The following EPN3 variants were observed in gnomAD, a reference collection of about 807,000 sequenced individuals.
The protein encoded by EPN3 is epsin 3, also known as epsin-3.
EPN3 carries 56 observed loss-of-function variants against 55.5 expected under a neutral mutation model. That is an observed-to-expected ratio of 1.01 (90% CI 0.81 to 1.26). The LOEUF (loss-of-function observed/expected upper bound fraction) is 1.26, where lower values mean the gene tolerates loss of function less well. Ranked by LOEUF, EPN3 falls within the 50% of genes most tolerant of loss-of-function variation. The pLI, the probability that EPN3 is intolerant of heterozygous loss-of-function variation, is 0.00. For synonymous variants in EPN3, 449 were observed against 375.2 expected (o/e 1.20, Z -2.27); for missense variants, 927 against 853.4 (o/e 1.09, Z -1.07).
chr17:50,535,094 G>A (rs1478436230), intron 1 of EPN3, among the ~76,000 whole-genome samples: 2 of 152,216 alleles, frequency 1.3e-5, no homozygotes, highest in East Asian at 3.8e-4. Flanking sequence ...CAGATAGCCT[G>A]GACCTGTGGC....
chr17:50,540,192 C>A, intron 5 of EPN3, 55 bp from the exon 6 acceptor site: 1 of 1,413,290 alleles, frequency 7.1e-7, no homozygotes, highest in Non-Finnish European at 9.9e-7. Flanking sequence ...TCAGGGCCTG[C>A]CCTCCCTCCA....
chr17:50,537,372 T>C, intron 2 of EPN3: 3 of 546,772 alleles, frequency 5.5e-6, no homozygotes, highest in South Asian at 4.5e-5. Flanking sequence ...AGTGGAAGCA[T>C]GGGTTTGGAG....
At chr17:50,535,157 G>A (rs915080238) in intron 1 of EPN3, among the ~76,000 whole-genome samples, 4 of 152,218 alleles carry the variant, frequency 2.6e-5, no homozygotes, top group Admixed American at 1.3e-4. Flanking sequence ...GGTACCAGAG[G>A]TCCACTATGT....
At chr17:50,537,593 G>A (rs1025383938) in intron 2 of EPN3, 7 of 199,130 alleles carry the variant, frequency 3.5e-5, no homozygotes, top group Non-Finnish European at 7.2e-5. Context: ...TGAGGGCAGC[G>A]GCTAGACAGT....
In EPN3 at chr17:50,541,259, A is replaced by C. The variant is rs753074866; in HGVS notation, c.1280A>C (p.Lys427Thr). Reference protein sequence around the residue: ...GGASTFDPFAKPPESTETKEG... With the variant: ...GGASTFDPFATPPESTETKEG... ...GCCTCGACCTTTGACCCATTTGCCA[A>C]ACCTCCAGAATCCACAGAGACCAAG... Residue 427 changes from lysine (K) to threonine (T), a missense_variant, in exon 8 of 10, where the codon AAA becomes ACA. Physicochemically the swap from Lys to Thr is moderately conservative, Grantham distance 78. Transcript: ENST00000268933. 6.2e-7 allele frequency: 1 copy of C among 1,613,494 alleles called. No homozygotes were observed. Among genetic ancestry groups the C allele is most frequent in the Non-Finnish European group, 8.5e-7 (1 of 1,179,970 alleles).
intron 2 of EPN3, 37 bp downstream of exon 2, chr17:50,537,155 T>C (rs768609360): frequency 2.5e-5 from 38 of 1,518,266 alleles, no homozygotes; most frequent in Non-Finnish European, 3.2e-5. Context: ...GATGGGGAGG[T>C]GGCCCGACTT....
At position 50,536,696 on chromosome 17, in the gene EPN3, C is replaced by T; in HGVS notation, c.140C>T (p.Thr47Ile). The change falls in exon 2 of 10, where the codon ACC becomes ATC. Residue 47 changes from threonine to isoleucine, a missense_variant. Physicochemically the swap from Thr to Ile is moderately conservative, Grantham distance 89. Transcript: ENST00000268933. ...CTCATGTCCGAGATCGCTGACCTGA[C>T]CTTCAACACAGTGGCCTTCACCGAA... ...SSLMSEIADL[T>I]FNTVAFTEVM... 6.2e-7 allele frequency: 1 copy of T among 1,614,092 alleles called. No homozygotes were observed. Among genetic ancestry groups the T allele is most frequent in the South Asian group, 1.1e-5 (1 of 91,076 alleles).
In EPN3 at chr17:50,539,208, G is replaced by T. The variant is rs1260598456; in HGVS notation, c.784G>T (p.Asp262Tyr). The T allele has an allele frequency of 5.0e-6, 8 of 1,614,114 alleles. No individual in the cohort carries two copies. Among genetic ancestry groups the T allele is most frequent in the Non-Finnish European group, 6.8e-6 (8 of 1,180,006 alleles). The change falls in exon 5 of 10, where the codon GAT becomes TAT. Residue 262 changes from aspartate to tyrosine, a missense_variant. By Grantham distance (160) the Asp-to-Tyr change is radical (BLOSUM62 -3). Coordinates refer to ENST00000268933, the MANE Select transcript of EPN3 (RefSeq NM_017957.3). ...HEKEVRSWQG[D>Y]GSPMANGAGA... ...GCAGGAGGTGAGGTCCTGGCAGGGT[G>T]ATGGCTCCCCCATGGCCAATGGTGC... is the stretch of plus-strand genomic sequence containing the variant.
intron 9 of EPN3, 35 bp downstream of exon 9, chr17:50,541,729 C>G: frequency 6.2e-7 from 1 of 1,609,562 alleles, no homozygotes; most frequent in Non-Finnish European, 8.5e-7. Context: ...CCCAGGGGCT[C>G]CTGCTTTCAG....
chr17:50,541,761 G>C, intron 9 of EPN3, 67 bp downstream of exon 9: 1 of 1,606,836 alleles, frequency 6.2e-7, no homozygotes, highest in Non-Finnish European at 8.5e-7. Context: ...CGCCGGAGGA[G>C]CCCACTCTTC....
intron 1 of EPN3, chr17:50,534,560 C>T: frequency 1.0e-6 from 1 of 985,502 alleles, no homozygotes; most frequent in Non-Finnish European, 1.2e-6. Context: ...GAGTCACTAG[C>T]AAGGGGGAGG....
chr17:50,536,902 G>A lies in EPN3; in HGVS notation c.346G>A (p.Gly116Ser), dbSNP rs749208124. 2.2e-5 allele frequency: 36 copies of A among 1,614,012 alleles called. No individual in the cohort carries two copies. The highest frequency in any genetic ancestry group is 6.7e-5 in the Admixed American group (4 of 60,010). The stretch of plus-strand genomic sequence containing the variant: ...GGACTTCCAGTACATCGACCGCGAC[G>A]GCAAGGACCAGGGCGTCAACGTGCG... ...LKDFQYIDRD[G>S]KDQGVNVREK... Residue 116 changes from glycine (G) to serine (S), a missense_variant, in exon 2 of 10, where the codon GGC becomes AGC. Gly to Ser is a moderately conservative substitution (Grantham distance 56). Transcript: ENST00000268933.
chr17:50,536,563 A>T lies in EPN3; in HGVS notation c.7A>T (p.Thr3Ser), dbSNP rs1463586183. ...CACCTCCAAGTCTCCAGCCATGACG[A>T]CCTCCGCACTCCGGCGCCAGGTGAA... Reference protein sequence around the residue: MTTSALRRQVKNI... With the variant: MTSSALRRQVKNI... The change falls in exon 2 of 10, where the codon ACC becomes TCC. Residue 3 changes from threonine to serine, a missense_variant. Thr to Ser is a moderately conservative substitution (Grantham distance 58). Transcript: ENST00000268933. The T allele has an allele frequency of 1.9e-6, 3 of 1,613,476 alleles. No homozygotes were observed. In the East Asian group the frequency reaches 6.7e-5, roughly 36 times the overall value.
At chr17:50,540,475 G>T in intron 6 of EPN3, 141 bp downstream of exon 6, 1 of 774,720 alleles carries the variant, frequency 1.3e-6, no homozygotes, top group Non-Finnish European at 2.0e-6. Context: ...TCCGCCGCCT[G>T]TGGGACAGGC....
intron 1 of EPN3, among the ~76,000 whole-genome samples, chr17:50,535,332 A>G (rs2034744020): frequency 6.6e-6 from 1 of 152,188 alleles, no homozygotes; most frequent in Non-Finnish European, 1.5e-5. Flanking sequence ...GGAGTCCTGG[A>G]TGGTAGTCCA....
rs535527910 is a variant in EPN3 at position 50,538,033 on chromosome 17, G to A, written c.563-46G>A. The A allele has an allele frequency of 4.9e-5, 72 of 1,480,270 alleles. No individual in the cohort carries two copies. In the South Asian group the frequency reaches 5.4e-4, roughly 11 times the overall value. 91.7% of individuals were successfully genotyped at this position (1,480,270 alleles called of 1,614,324 possible). On this transcript the variant is annotated intron_variant, in intron 2 of 9. Coordinates refer to ENST00000268933, the MANE Select transcript of EPN3 (RefSeq NM_017957.3). ...TCCTGGCAGGCAGAGGGGTGTGGGA[G>A]CCGATGGGTAATCGTGTGGTCACAG...
Position 50,537,012 on chromosome 17 carries a change from G to T in EPN3, c.456G>T (p.Glu152Asp), listed in dbSNP as rs767497728. 6.2e-7 allele frequency: 1 copy of T among 1,613,472 alleles called. No individual in the cohort carries two copies. Among genetic ancestry groups the T allele is most frequent in the Non-Finnish European group, 8.5e-7 (1 of 1,179,962 alleles). Residue 152 changes from glutamate (E) to aspartate (D), a missense_variant, in exon 2 of 10, where the codon GAG (glutamate) becomes GAT (aspartate). Coordinates refer to ENST00000268933, the MANE Select transcript of EPN3 (RefSeq NM_017957.3). Reference protein sequence around the residue: ...QERTHALKTKERMALEGIGIG... With the variant: ...QERTHALKTKDRMALEGIGIG... Reference sequence around the variant, plus strand: ...GAACCCACGCCCTCAAGACCAAGGAGCGCATGGCACTGGAGGGCATCGGCA... The same window carrying T: ...GAACCCACGCCCTCAAGACCAAGGATCGCATGGCACTGGAGGGCATCGGCA...
chr17:50,538,857 C>G, intron 3 of EPN3, 27 bp from the exon 4 acceptor site: 3 of 1,544,790 alleles, frequency 1.9e-6, no homozygotes, highest in Non-Finnish European at 2.6e-6. Context: ...GGTACAGGGC[C>G]AAGTTTACCC....
Position 50,541,767 on chromosome 17 carries a change from T to A in EPN3, c.1585+73T>A, listed in dbSNP as rs1254209753. 4 of 1,607,780 alleles carry A rather than the reference T, an allele frequency of 2.5e-6. No individual in the cohort carries two copies. In the African/African-American group the frequency reaches 5.4e-5, roughly 22 times the overall value. ...CCTAGCCTCCGCCGGAGGAGCCCACTCTTCTTCCCAACTTCCACGACCTCC... is the reference window on the plus strand; with the variant it reads ...CCTAGCCTCCGCCGGAGGAGCCCACACTTCTTCCCAACTTCCACGACCTCC... On this transcript the variant is annotated intron_variant, in intron 9 of 9. Coordinates refer to ENST00000268933, the MANE Select transcript of EPN3 (RefSeq NM_017957.3).
Sources: allele counts gnomAD v4.1 joint callset (sites outside exome capture counted in the v4.1 genomes callset), GRCh38; gene constraint gnomAD v4.1.1; transcripts MANE v1.5; gene names NCBI Gene and HGNC (gene_info 2026-07-23, HGNC 2026-07-21).